Variants in BRCC3 observed in about 807,000 individuals in gnomAD.
BRCC3 encodes BRCA1/BRCA2-containing complex subunit 3, also known as lys-63-specific deubiquitinase BRCC36.
BRCC3 carries 15 observed loss-of-function variants against 28.0 expected under a neutral mutation model. That is an observed-to-expected ratio of 0.54 (90% CI 0.36 to 0.82). BRCC3 has a LOEUF of 0.82. BRCC3 is among the 40% of genes least tolerant of loss of function. The probability of loss-of-function intolerance (pLI) is 0.01; values close to 1 mark genes in which losing one functional copy is unlikely to be tolerated. For synonymous variants in BRCC3, 66 were observed against 80.3 expected (o/e 0.82, Z 0.95); for missense variants, 109 against 225.9 (o/e 0.48, Z 3.32).
intron 7 of BRCC3, among the ~76,000 whole-genome samples, chrX:155,102,021 T>G (rs2074249877): frequency 8.9e-6 from 1 of 112,725 alleles, no homozygotes; most frequent in African/African-American, 3.2e-5. Context: ...AGAATAATAT[T>G]AAATTGTATA....
chrX:155,103,853 A>C (rs1290778150), intron 7 of BRCC3, among the ~76,000 whole-genome samples: 7 of 103,960 alleles, frequency 6.7e-5, no homozygotes, highest in African/African-American at 2.1e-4. Flanking sequence ...TTTTTTTTCT[A>C]TCTGTGATTT....
chrX:155,072,439 CTTAAA>C (rs2073993019), intron 2 of BRCC3, 96 bp downstream of exon 2: 1 of 680,051 alleles, frequency 1.5e-6, no homozygotes, highest in Admixed American at 2.9e-5. Context: ...CGGATCGTGT[CTTAAA>C]TTAATTACCA....
At chrX:155,082,406 A>G (rs962502072) in intron 5 of BRCC3, among the ~76,000 whole-genome samples, 5 of 112,408 alleles carry the variant, frequency 4.4e-5, no homozygotes, top group African/African-American at 1.6e-4. Context: ...TGGAGGGGAC[A>G]GTGAACAAAA....
intron 7 of BRCC3, among the ~76,000 whole-genome samples, chrX:155,110,091 CTCTT>C (rs1195160486): frequency 1.2e-4 from 13 of 111,684 alleles, no homozygotes; most frequent in African/African-American, 3.9e-4. Flanking sequence ...TGTATATTAT[CTCTT>C]TAGTGTATTC....
In BRCC3 at chrX:155,077,155, T is replaced by A; in HGVS notation, c.196-15T>A. 1 of 1,163,181 alleles carries A rather than the reference T, an allele frequency of 8.6e-7. No individual in the cohort carries two copies. Among genetic ancestry groups the A allele is most frequent in the East Asian group, 3.2e-5 (1 of 30,887 alleles). Reference sequence around the variant, plus strand: ...AGAGAGCTGTAAGTAACCATTTCTGTGGATTTTCCTTTAGGTTGATGCCGT... The same window carrying A: ...AGAGAGCTGTAAGTAACCATTTCTGAGGATTTTCCTTTAGGTTGATGCCGT... On this transcript the variant is annotated splice_polypyrimidine_tract_variant and intron_variant, in intron 3 of 10. Coordinates refer to ENST00000330045, the MANE Select transcript of BRCC3 (RefSeq NM_001018055.3).
intron 7 of BRCC3, among the ~76,000 whole-genome samples, chrX:155,095,763 C>T (rs940340412): frequency 3.6e-5 from 4 of 111,712 alleles, no homozygotes; most frequent in Non-Finnish European, 7.5e-5. Flanking sequence ...TGGTAAGTGC[C>T]CTATACAGGT....
At chrX:155,078,353 A>G (rs782171298) in intron 4 of BRCC3, among the ~76,000 whole-genome samples, 1 of 112,370 alleles carries the variant, frequency 8.9e-6, no homozygotes, top group South Asian at 3.7e-4. Context: ...CAGATAGCAC[A>G]GTGGTAAGGA....
intron 3 of BRCC3, among the ~76,000 whole-genome samples, chrX:155,075,695 CTCTGCCA>C (rs1448328591): frequency 8.9e-6 from 1 of 112,517 alleles, no homozygotes; most frequent in Non-Finnish European, 1.9e-5. Context: ...TTTCTTCCAT[CTCTGCCA>C]TCTGCTTAGC....
chrX:155,085,878 CCAGGACTGCTTTGCCATGA>C (rs1381610300), intron 5 of BRCC3, among the ~76,000 whole-genome samples: 4 of 111,542 alleles, frequency 3.6e-5, no homozygotes, highest in African/African-American at 1.3e-4. Flanking sequence ...CCTGGTTCCC[CCAGGACTGCTTTGCCATGA>C]CAGCTACCTG....
intron 3 of BRCC3, among the ~76,000 whole-genome samples, chrX:155,076,699 G>C (rs910446257): frequency 9.0e-6 from 1 of 111,518 alleles, no homozygotes; most frequent in Non-Finnish European, 1.9e-5. Flanking sequence ...CTCCTGATAC[G>C]TGGGGTTTAC....
intron 7 of BRCC3, among the ~76,000 whole-genome samples, chrX:155,105,458 G>C (rs1232577177): frequency 9.0e-6 from 1 of 111,606 alleles, no homozygotes. Context: ...CCTCCAGCCT[G>C]GGCGACAGAG....
intron 2 of BRCC3, among the ~76,000 whole-genome samples, chrX:155,073,010 G>C (rs1327159106): frequency 8.9e-6 from 1 of 112,005 alleles, no homozygotes; most frequent in Non-Finnish European, 1.9e-5. Context: ...TCCTCCTGAT[G>C]GACCTCAGTG....
intron 7 of BRCC3, among the ~76,000 whole-genome samples, chrX:155,111,741 G>GAAAA (rs3085607): frequency 9.1e-6 from 1 of 110,373 alleles, no homozygotes; most frequent in South Asian, 3.8e-4. Context: ...AGGGAGAAAG[G>GAAAA]AAAAACAGAT....
intron 5 of BRCC3, among the ~76,000 whole-genome samples, chrX:155,082,751 C>T (rs781978241): frequency 2.6e-4 from 29 of 112,415 alleles, no homozygotes; most frequent in African/African-American, 9.0e-4. Flanking sequence ...TCATATTGTG[C>T]AAACTACACA....
intron 7 of BRCC3, among the ~76,000 whole-genome samples, chrX:155,101,313 A>C (rs1252050940): frequency 8.9e-6 from 1 of 111,770 alleles, no homozygotes; most frequent in Non-Finnish European, 1.9e-5. Flanking sequence ...AGGGACTTGA[A>C]CATCTATGGA....
At chrX:155,104,679 A>G (rs1288572663) in intron 7 of BRCC3, among the ~76,000 whole-genome samples, 1 of 112,583 alleles carries the variant, frequency 8.9e-6, no homozygotes, top group African/African-American at 3.2e-5. Flanking sequence ...GCCAAGCCCT[A>G]CCTGGGGGTT....
intron 5 of BRCC3, among the ~76,000 whole-genome samples, chrX:155,087,305 C>G (rs1236969542): frequency 8.9e-6 from 1 of 112,014 alleles, no homozygotes; most frequent in Admixed American, 9.4e-5. Context: ...GAGGGACTCC[C>G]CCGGAGGGGT....
intron 7 of BRCC3, among the ~76,000 whole-genome samples, chrX:155,095,657 C>T (rs1429105871): frequency 9.0e-6 from 1 of 111,653 alleles, no homozygotes; most frequent in African/African-American, 3.3e-5. Context: ...TATAAAGTTT[C>T]CAGTAGTGTA....
chrX:155,077,322 G>A, intron 4 of BRCC3, 33 bp downstream of exon 4: 1 of 1,141,408 alleles, frequency 8.8e-7, no homozygotes, highest in Non-Finnish European at 1.2e-6. Context: ...GCTTTTATGT[G>A]CTCTGGGGTT....
Sources: allele counts gnomAD v4.1 joint callset (sites outside exome capture counted in the v4.1 genomes callset), GRCh38; gene constraint gnomAD v4.1.1; transcripts MANE v1.5; gene names NCBI Gene and HGNC (gene_info 2026-07-23, HGNC 2026-07-21).